DAPL1: variants seen among roughly 807,000 people sequenced by gnomAD.
The protein encoded by DAPL1 is death-associated protein-like 1.
DAPL1 carries 17 observed loss-of-function variants against 12.9 expected under a neutral mutation model. The observed-to-expected ratio is 1.32, with a 90% confidence interval of 0.90 to 1.98. DAPL1 has a LOEUF of 1.98. DAPL1 is among the 30% of genes most tolerant of loss of function. DAPL1 has a pLI of 0.00. For missense variants in DAPL1, 157 were observed against 125.7 expected (o/e 1.25, Z -1.19); for synonymous variants, 51 against 42.0 (o/e 1.21, Z -0.82).
At chr2:158,807,242 A>G in intron 3 of DAPL1, 127 bp downstream of exon 3, 1 of 549,098 alleles carries the variant, frequency 1.8e-6, no homozygotes, top group Admixed American at 3.4e-5. Flanking sequence ...TTGTGAAAGA[A>G]TTTGTTCTCT....
intron 3 of DAPL1, among the ~76,000 whole-genome samples, chr2:158,808,165 A>G (rs1452435177): frequency 6.6e-6 from 1 of 152,232 alleles, no homozygotes; most frequent in African/African-American, 2.4e-5. Flanking sequence ...CGTTGGACAA[A>G]GTGTCCTCTG....
intron 3 of DAPL1, among the ~76,000 whole-genome samples, chr2:158,813,591 T>A (rs2105157715): frequency 6.7e-6 from 1 of 149,694 alleles, no homozygotes; most frequent in South Asian, 2.2e-4. Context: ...AGTCTTGCTC[T>A]GTCGCCCAGG....
At chr2:158,808,926 A>T (rs1559044320) in intron 3 of DAPL1, among the ~76,000 whole-genome samples, 1 of 152,180 alleles carries the variant, frequency 6.6e-6, no homozygotes, top group Non-Finnish European at 1.5e-5. Context: ...TAGACATGTG[A>T]TATGCTTATG....
At chr2:158,800,795 T>C (rs545356198) in intron 1 of DAPL1, among the ~76,000 whole-genome samples, 14 of 152,330 alleles carry the variant, frequency 9.2e-5, no homozygotes, top group African/African-American at 3.4e-4. Flanking sequence ...TCCCAGATTA[T>C]CAATGTCCTT....
At chr2:158,799,767 G>T (rs375082031) in intron 1 of DAPL1, among the ~76,000 whole-genome samples, 2 of 152,252 alleles carry the variant, frequency 1.3e-5, no homozygotes, top group South Asian at 4.1e-4. Context: ...TTCCGAAATT[G>T]CTGAGTTAGA....
chr2:158,814,243 C>G (rs1177585860), intron 3 of DAPL1, among the ~76,000 whole-genome samples: 1 of 152,102 alleles, frequency 6.6e-6, no homozygotes, highest in East Asian at 1.9e-4. Context: ...CTGCCCTTAA[C>G]ACATTGTAAA....
At chr2:158,801,934 T>C (rs2059169979) in intron 1 of DAPL1, among the ~76,000 whole-genome samples, 1 of 152,158 alleles carries the variant, frequency 6.6e-6, no homozygotes, top group Non-Finnish European at 1.5e-5. Flanking sequence ...AGCAATCCAA[T>C]TGAAAAGGAC....
chr2:158,798,591 T>C (rs925780), intron 1 of DAPL1, among the ~76,000 whole-genome samples: 133,231 of 152,074 alleles, frequency 0.88, 58,601 homozygotes, highest in Middle Eastern at 0.92. Context: ...CACGGAAGAG[T>C]GAACGGAGAC....
intron 3 of DAPL1, among the ~76,000 whole-genome samples, chr2:158,807,478 T>C (rs981870947): frequency 3.9e-5 from 6 of 152,148 alleles, no homozygotes; most frequent in Admixed American, 3.9e-4. Context: ...CCTTCCTCCC[T>C]GCCCCTGTGT....
intron 1 of DAPL1, among the ~76,000 whole-genome samples, chr2:158,799,285 A>C (rs1051166264): frequency 6.6e-6 from 1 of 152,222 alleles, no homozygotes; most frequent in Non-Finnish European, 1.5e-5. Flanking sequence ...ATGTTAAATC[A>C]GTTCATATTT....
At chr2:158,806,260 G>C (rs2105152686) in intron 2 of DAPL1, among the ~76,000 whole-genome samples, 2 of 148,156 alleles carry the variant, frequency 1.3e-5, no homozygotes, top group East Asian at 3.9e-4. Context: ...GCCAAGTGCA[G>C]AGTTTCTTCA....
chr2:158,802,812 C>G (rs966196719), intron 1 of DAPL1, among the ~76,000 whole-genome samples: 1 of 152,198 alleles, frequency 6.6e-6, no homozygotes, highest in African/African-American at 2.4e-5. Context: ...GATCCAAGAA[C>G]CTTTTTTTGG....
rs554720307 is a variant in DAPL1, at chr2:158,809,314, C to T, written c.207+2199C>T. Among the ~76,000 whole-genome samples, 108 of 133,322 alleles carry T rather than the reference C, an allele frequency of 8.1e-4. No individual in the cohort carries two copies. The Middle Eastern group carries it at 0.017, about 22-fold the overall frequency. The allele number at this position is 133,322 out of a possible 152,430, so 87.5% of individuals were successfully genotyped here. A position where few individuals can be genotyped will look rare whatever the true frequency, so the allele number is the denominator to read the frequency against. Reference sequence around the variant, plus strand: ...TGGAGGTTGCAGTGAGCCGAGATCACGCCACTGCACTCCAGCCTGGGTGAC... The same window carrying T: ...TGGAGGTTGCAGTGAGCCGAGATCATGCCACTGCACTCCAGCCTGGGTGAC... On this transcript the variant is annotated intron_variant, in intron 3 of 3. Coordinates refer to ENST00000309950, the MANE Select transcript of DAPL1 (RefSeq NM_001017920.3).
intron 3 of DAPL1, among the ~76,000 whole-genome samples, chr2:158,813,193 T>A (rs2059240951): frequency 6.6e-6 from 1 of 152,062 alleles, no homozygotes; most frequent in Admixed American, 6.6e-5. Flanking sequence ...AGATTCATAG[T>A]TATAGAAAGT....
At chr2:158,813,180 G>A (rs1402635863) in intron 3 of DAPL1, among the ~76,000 whole-genome samples, 1 of 152,192 alleles carries the variant, frequency 6.6e-6, no homozygotes, top group Non-Finnish European at 1.5e-5. Flanking sequence ...ACCCAAAGTA[G>A]TCAGATTCAT....
chr2:158,808,672 C>G (rs2059214391), intron 3 of DAPL1, among the ~76,000 whole-genome samples: 1 of 152,174 alleles, frequency 6.6e-6, no homozygotes, highest in Admixed American at 6.5e-5. Flanking sequence ...AGAGGCAGGG[C>G]TGGTGCATGA....
In DAPL1 at chr2:158,815,942, T is replaced by A. The variant is rs1164100248; in HGVS notation, c.*121T>A. 1.1e-5 allele frequency: 8 copies of A among 701,370 alleles called. No homozygotes were observed. The East Asian group carries it at 2.1e-4, about 18-fold the overall frequency. The allele number at this position is 701,370 out of a possible 1,614,324, so 43.4% of individuals were successfully genotyped here. On this transcript the variant is annotated 3_prime_UTR_variant, in exon 4 of 4. Coordinates refer to ENST00000309950, the MANE Select transcript of DAPL1 (RefSeq NM_001017920.3). ...CTTGGTAAATTAAGCAGCTTTTGTA[T>A]CTTCCCCTTTGACTTTAGGTAATAA...
intron 1 of DAPL1, among the ~76,000 whole-genome samples, chr2:158,803,507 G>A (rs1454814489): frequency 6.6e-6 from 1 of 152,186 alleles, no homozygotes; most frequent in Non-Finnish European, 1.5e-5. Context: ...GATTTTAGAT[G>A]TGCAAATTTC....
intron 2 of DAPL1, 58 bp from the exon 3 acceptor site, chr2:158,806,997 G>A (rs2059205951): frequency 2.3e-6 from 3 of 1,280,628 alleles, no homozygotes; most frequent in African/African-American, 1.5e-5. Flanking sequence ...AAATCATGTG[G>A]CCTTTTCAGT....
Sources: allele counts gnomAD v4.1 joint callset (sites outside exome capture counted in the v4.1 genomes callset), GRCh38; gene constraint gnomAD v4.1.1; transcripts MANE v1.5; gene names NCBI Gene and HGNC (gene_info 2026-07-23, HGNC 2026-07-21).